Variants in PRIM2 observed in about 807,000 individuals in gnomAD.
PRIM2 encodes the protein DNA primase subunit 2, also known as DNA primase large subunit.
PRIM2 carries 39 observed loss-of-function variants against 67.3 expected under a neutral mutation model. That is an observed-to-expected ratio of 0.58 (90% CI 0.45 to 0.76). The LOEUF (loss-of-function observed/expected upper bound fraction) is 0.76, where lower values mean the gene tolerates loss of function less well. Ranked by LOEUF, PRIM2 falls within the 30% of genes least tolerant of loss-of-function variation. PRIM2 has a pLI of 0.00. For missense variants in PRIM2, 398 were observed against 598.7 expected (o/e 0.66, Z 3.50); for synonymous variants, 143 against 198.7 (o/e 0.72, Z 2.36).
chr6:57,234,498 G>A, the PRIM2 span, among the ~76,000 whole-genome samples: 10 of 152,194 alleles, frequency 6.6e-5, no homozygotes, highest in Admixed American at 3.3e-4. Flanking sequence ...TTAGTAACTT[G>A]TGTCTGCTGT....
the PRIM2 span, among the ~76,000 whole-genome samples, chr6:57,293,056 T>C: frequency 0.032 from 4,879 of 152,178 alleles, 261 homozygotes; most frequent in African/African-American, 0.11. Flanking sequence ...ACAGGCAACC[T>C]ACAGAATGGG....
At chr6:57,253,219 G>A in the PRIM2 span, among the ~76,000 whole-genome samples, 16 of 152,214 alleles carry the variant, frequency 1.1e-4, no homozygotes, top group South Asian at 3.1e-3. Flanking sequence ...CAGTAGTTAG[G>A]GGCAAAGAAA....
chr6:57,480,709 A>G (rs1325885784), intron 7 of PRIM2, among the ~76,000 whole-genome samples: 1 of 152,038 alleles, frequency 6.6e-6, no homozygotes, highest in Non-Finnish European at 1.5e-5. Flanking sequence ...GCTCACTGCA[A>G]CCTCCGCCTC....
intron 7 of PRIM2, among the ~76,000 whole-genome samples, chr6:57,431,548 TCA>T (rs1771828147): frequency 1.3e-5 from 2 of 152,006 alleles, no homozygotes; most frequent in African/African-American, 4.8e-5. Context: ...CTTGGGGGGC[TCA>T]GGTAAGAGGA....
chr6:57,587,125 T>C (rs1369648165), intron 10 of PRIM2: 1 of 152,234 alleles, frequency 6.6e-6, no homozygotes, highest in African/African-American at 2.4e-5. Context: ...TGTGGTCTTT[T>C]CTTGCCATTG....
At chr6:57,421,925 A>G (rs1771478419) in intron 7 of PRIM2, among the ~76,000 whole-genome samples, 1 of 152,186 alleles carries the variant, frequency 6.6e-6, no homozygotes, top group Admixed American at 6.5e-5. Flanking sequence ...TCTAGAATAG[A>G]TGTAAGATAC....
the PRIM2 span, among the ~76,000 whole-genome samples, chr6:57,229,903 G>T: frequency 1.3e-5 from 2 of 152,118 alleles, no homozygotes; most frequent in African/African-American, 2.4e-5. Flanking sequence ...TCCTTTGGTG[G>T]TTTTTAATTT....
intron 7 of PRIM2, among the ~76,000 whole-genome samples, chr6:57,424,874 A>G (rs1771570765): frequency 6.6e-6 from 1 of 152,198 alleles, no homozygotes; most frequent in Non-Finnish European, 1.5e-5. Context: ...TTATTAAATG[A>G]ACTAATAACT....
At chr6:57,451,265 T>A (rs1361861218) in intron 7 of PRIM2, among the ~76,000 whole-genome samples, 3 of 152,092 alleles carry the variant, frequency 2.0e-5, no homozygotes, top group Admixed American at 6.6e-5. Context: ...CTCAGCCTCC[T>A]GAGTAGCTGG....
At chr6:57,225,703 G>A in the PRIM2 span, among the ~76,000 whole-genome samples, 2 of 152,152 alleles carry the variant, frequency 1.3e-5, no homozygotes, top group Non-Finnish European at 2.9e-5. Flanking sequence ...AGTGTCCAAG[G>A]ATCATGAATT....
intron 7 of PRIM2, among the ~76,000 whole-genome samples, chr6:57,470,988 C>T (rs1773325056): frequency 6.6e-6 from 1 of 152,192 alleles, no homozygotes; most frequent in African/African-American, 2.4e-5. Context: ...TTCATCTCTG[C>T]TCCATTTTTG....
intron 10 of PRIM2, among the ~76,000 whole-genome samples, chr6:57,587,664 CAAAAAAAAAAAA>C (rs1157172882): frequency 1.5e-4 from 8 of 54,240 alleles, no homozygotes; most frequent in Admixed American, 3.5e-4. Flanking sequence ...GACTCTGTCT[CAAAAAAAAAAAA>C]AAAAAAAAAA....
chr6:57,335,938 G>C (rs1768229646), intron 5 of PRIM2, among the ~76,000 whole-genome samples: 1 of 152,044 alleles, frequency 6.6e-6, no homozygotes, highest in Non-Finnish European at 1.5e-5. Flanking sequence ...TCAAACCAAA[G>C]GCAAAGAAGT....
chr6:57,428,485 T>C (rs1161051526), intron 7 of PRIM2, among the ~76,000 whole-genome samples: 2 of 152,208 alleles, frequency 1.3e-5, no homozygotes, highest in Admixed American at 6.5e-5. Context: ...AATCTTTGCC[T>C]AAAACCCCGT....
At chr6:57,616,914 C>G (rs1776766531) in intron 12 of PRIM2, among the ~76,000 whole-genome samples, 1 of 152,202 alleles carries the variant, frequency 6.6e-6, no homozygotes, top group African/African-American at 2.4e-5. Flanking sequence ...CTTCATATAG[C>G]ATGTTTACAA....
chr6:57,223,825 G>A, the PRIM2 span, among the ~76,000 whole-genome samples: 1 of 152,164 alleles, frequency 6.6e-6, no homozygotes. Flanking sequence ...AAATAAATAT[G>A]AGTGTTGGCA....
the PRIM2 span, among the ~76,000 whole-genome samples, chr6:57,229,850 T>C: frequency 4.8e-5 from 7 of 146,850 alleles, no homozygotes; most frequent in Non-Finnish European, 7.4e-5. Context: ...GTTCCATTAT[T>C]TCCAATTCTT....
intron 7 of PRIM2, among the ~76,000 whole-genome samples, chr6:57,397,207 C>A (rs1934240726): frequency 6.6e-6 from 1 of 152,116 alleles, no homozygotes; most frequent in South Asian, 2.1e-4. Context: ...ATTTGGATGT[C>A]TAGGTCTCTA....
intron 7 of PRIM2, among the ~76,000 whole-genome samples, chr6:57,418,666 C>T (rs1771363186): frequency 6.6e-6 from 1 of 151,906 alleles, no homozygotes; most frequent in African/African-American, 2.4e-5. Context: ...TCCCAAAGTG[C>T]TGGGATTACA....
Sources: allele counts gnomAD v4.1 joint callset (sites outside exome capture counted in the v4.1 genomes callset), GRCh38; gene constraint gnomAD v4.1.1; transcripts MANE v1.5; gene names NCBI Gene and HGNC (gene_info 2026-07-23, HGNC 2026-07-21).